Variants in NR6A1 observed in about 807,000 individuals in gnomAD.
The protein encoded by NR6A1 is retinoic acid receptor-related testis-associated receptor.
Under a neutral mutation model 59.1 loss-of-function variants are expected in NR6A1, and 7 were observed. The ratio of observed to expected loss-of-function variants is 0.12; its 90% CI spans 0.07 to 0.22. NR6A1 has a LOEUF of 0.22. Among genes scored for constraint, NR6A1 ranks in the 10% least tolerant of loss-of-function variants. The probability of loss-of-function intolerance (pLI) is 1.00; values close to 1 mark genes in which losing one functional copy is unlikely to be tolerated. For synonymous variants in NR6A1, 243 were observed against 236.1 expected (o/e 1.03, Z -0.27); for missense variants, 468 against 611.6 (o/e 0.77, Z 2.48).
intron 2 of NR6A1, among the ~76,000 whole-genome samples, chr9:124,705,260 G>A (rs1379653341): frequency 3.3e-5 from 5 of 151,928 alleles, no homozygotes; most frequent in Non-Finnish European, 7.4e-5. Flanking sequence ...ATCAATTATT[G>A]CTAATTATTC....
intron 2 of NR6A1, among the ~76,000 whole-genome samples, chr9:124,680,378 C>G (rs912097325): frequency 6.6e-6 from 1 of 152,040 alleles, no homozygotes; most frequent in African/African-American, 2.4e-5. Flanking sequence ...CAATCAATAT[C>G]TATTAAATAA....
intron 2 of NR6A1, among the ~76,000 whole-genome samples, chr9:124,577,719 T>C (rs930727836): frequency 6.6e-6 from 1 of 152,218 alleles, no homozygotes; most frequent in Non-Finnish European, 1.5e-5. Context: ...ACCACATGAA[T>C]TTGACTACCA....
chr9:124,665,010 CAA>C (rs59451556), intron 2 of NR6A1, among the ~76,000 whole-genome samples: 794 of 13,736 alleles, frequency 0.058, 25 homozygotes, highest in African/African-American at 0.11. Context: ...CTTGTATCTC[CAA>C]AAAAAAAAAA....
At chr9:124,694,876 A>G (rs1326027190) in intron 2 of NR6A1, among the ~76,000 whole-genome samples, 1 of 152,240 alleles carries the variant, frequency 6.6e-6, no homozygotes, top group Non-Finnish European at 1.5e-5. Context: ...AATCAAAGCC[A>G]AAAGAAAAAT....
intron 2 of NR6A1, among the ~76,000 whole-genome samples, chr9:124,562,738 G>A (rs2131405985): frequency 6.6e-6 from 1 of 152,246 alleles, no homozygotes; most frequent in South Asian, 2.1e-4. Flanking sequence ...ATTTTCAGAG[G>A]CAAAAATGTC....
intron 1 of NR6A1, among the ~76,000 whole-genome samples, chr9:124,756,277 G>A (rs1035750309): frequency 3.3e-5 from 5 of 152,140 alleles, no homozygotes; most frequent in Non-Finnish European, 5.9e-5. Context: ...GTTTGTACCC[G>A]CTATAGTTGA....
rs567321794 is a variant in NR6A1 at position 124,682,527 on chromosome 9, T to A, written c.142+50781A>T. On this transcript the variant is annotated intron_variant, in intron 2 of 9. Transcript: ENST00000487099. ...CAGACATTAAAGAGATCTGCAAAAA[T>A]GTAAAACAATGTCATTCTTCTCACC... Among the ~76,000 whole-genome samples, 347 of 152,282 alleles carry A rather than the reference T, an allele frequency of 2.3e-3. 1 individual carries two copies. The Middle Eastern group carries it at 0.054, about 24-fold the overall frequency.
intron 1 of NR6A1, among the ~76,000 whole-genome samples, chr9:124,770,536 G>A (rs1841107556): frequency 1.3e-5 from 2 of 150,754 alleles, no homozygotes; most frequent in African/African-American, 2.4e-5. Context: ...AGGAACCCCT[G>A]TAGGGGAAAA....
intron 2 of NR6A1, among the ~76,000 whole-genome samples, chr9:124,697,457 G>C (rs143722608): frequency 2.0e-3 from 299 of 152,188 alleles, no homozygotes; most frequent in African/African-American, 6.5e-3. Context: ...TGGTAAGAAG[G>C]GTCAGGGAAC....
intron 2 of NR6A1, among the ~76,000 whole-genome samples, chr9:124,629,502 CA>C (rs1836359958): frequency 6.6e-6 from 1 of 152,186 alleles, no homozygotes; most frequent in East Asian, 1.9e-4. Flanking sequence ...TCCATTTTAC[CA>C]GTGAAGAAAC....
At chr9:124,570,110 G>A (rs1196804461) in intron 2 of NR6A1, among the ~76,000 whole-genome samples, 2 of 152,126 alleles carry the variant, frequency 1.3e-5, no homozygotes, top group African/African-American at 4.8e-5. Context: ...TATCTCCATG[G>A]GCAGCAACTC....
intron 2 of NR6A1, among the ~76,000 whole-genome samples, chr9:124,727,001 A>C (rs569564942): frequency 1.7e-4 from 26 of 152,348 alleles, no homozygotes; most frequent in African/African-American, 5.5e-4. Context: ...TTTAACACTA[A>C]GCTCTTTTGA....
At chr9:124,585,628 C>T (rs1315157226) in intron 2 of NR6A1, among the ~76,000 whole-genome samples, 2 of 148,566 alleles carry the variant, frequency 1.3e-5, no homozygotes, top group Non-Finnish European at 3.0e-5. Context: ...AGAAGATCAA[C>T]GATGAAGGTG....
intron 1 of NR6A1, among the ~76,000 whole-genome samples, chr9:124,746,526 T>C (rs565125417): frequency 1.3e-5 from 2 of 152,034 alleles, no homozygotes; most frequent in Admixed American, 1.3e-4. Flanking sequence ...GAGGCAAAGG[T>C]TGCAGTGAGC....
intron 2 of NR6A1, among the ~76,000 whole-genome samples, chr9:124,606,866 C>T (rs1346948284): frequency 6.6e-6 from 1 of 152,222 alleles, no homozygotes; most frequent in Non-Finnish European, 1.5e-5. Context: ...GGGGATATTG[C>T]TTCCCTGCTA....
intron 2 of NR6A1, among the ~76,000 whole-genome samples, chr9:124,644,991 C>T (rs1459545510): frequency 6.6e-6 from 1 of 152,232 alleles, no homozygotes; most frequent in African/African-American, 2.4e-5. Context: ...TGTCATTACA[C>T]ATTTGCCAAA....
rs530067828 is a variant in NR6A1, at chr9:124,625,188, C to T, written c.143-70618G>A. Among the ~76,000 whole-genome samples, 334 of 152,288 alleles carry T rather than the reference C, an allele frequency of 2.2e-3. 1 individual carries two copies. Among genetic ancestry groups the T allele is most frequent in the Non-Finnish European group, 2.0e-3 (133 of 68,026 alleles). On this transcript the variant is annotated intron_variant, in intron 2 of 9. Coordinates refer to ENST00000487099, the MANE Select transcript of NR6A1 (RefSeq NM_033334.4). ...GCTCTACCACTCACTAGCTGTGAGA[C>T]CTTGGAGCAAGTCTCCGAATCTGTC...
rs1209131037 is a variant in NR6A1, at chr9:124,590,020, G to A, written c.143-35450C>T. 2.6e-5 allele frequency among the ~76,000 whole-genome samples: 3 copies of A among 116,718 alleles called. No homozygotes were observed. In the East Asian group the frequency reaches 8.5e-4, roughly 33 times the overall value. 76.6% of individuals were successfully genotyped at this position (116,718 alleles called of 152,430 possible). A position where few individuals can be genotyped will look rare whatever the true frequency, so the allele number is the denominator to read the frequency against. On this transcript the variant is annotated intron_variant, in intron 2 of 9. Coordinates refer to ENST00000487099, the MANE Select transcript of NR6A1 (RefSeq NM_033334.4). ...ATGGAGGTTGCAGTGAGCCGAGATC[G>A]CACCACTGTTCTCCAGCCTGGTGAC...
In NR6A1 at chr9:124,517,421, T is replaced by C. The variant is rs1828199507; in HGVS notation, c.*5284A>G. ...CCTTGCCAGCTGGCAGGGTGGGAGGTAGCAGAGGGCCTGGGTAGCCTGCAG... is the reference window on the plus strand; with the variant it reads ...CCTTGCCAGCTGGCAGGGTGGGAGGCAGCAGAGGGCCTGGGTAGCCTGCAG... On this transcript the variant is annotated 3_prime_UTR_variant, in exon 10 of 10. Coordinates refer to ENST00000487099, the MANE Select transcript of NR6A1 (RefSeq NM_033334.4). 3 of 149,898 alleles carry C rather than the reference T, an allele frequency of 2.0e-5. No individual in the cohort carries two copies. Among genetic ancestry groups the C allele is most frequent in the Admixed American group, 2.0e-4 (3 of 15,258 alleles). The allele number at this position is 149,898 out of a possible 1,614,324, so 9.3% of individuals were successfully genotyped here. A position where few individuals can be genotyped will look rare whatever the true frequency, so the allele number is the denominator to read the frequency against.
Sources: allele counts gnomAD v4.1 joint callset (sites outside exome capture counted in the v4.1 genomes callset), GRCh38; gene constraint gnomAD v4.1.1; transcripts MANE v1.5; gene names NCBI Gene and HGNC (gene_info 2026-07-23, HGNC 2026-07-21).